The following ZNF385B variants were observed in gnomAD, a reference collection of about 807,000 sequenced individuals.
The protein encoded by ZNF385B is zinc finger protein 533.
Under a neutral mutation model 39.2 loss-of-function variants are expected in ZNF385B, and 23 were observed. The observed-to-expected ratio is 0.59, with a 90% CI of 0.42 to 0.83. The LOEUF is 0.83. Ranked by LOEUF, ZNF385B falls within the 40% of genes least tolerant of loss-of-function variation. The pLI, the probability that ZNF385B is intolerant of heterozygous loss-of-function variation, is 0.00. For synonymous variants in ZNF385B, 205 were observed against 222.6 expected (o/e 0.92, Z 0.70); for missense variants, 552 against 598.9 (o/e 0.92, Z 0.82).
chr2:179,443,210 A>G lies in ZNF385B; in HGVS notation c.*40T>C. 6 of 1,609,548 alleles carry G rather than the reference A, an allele frequency of 3.7e-6. No homozygotes were observed. The highest frequency in any genetic ancestry group is 5.1e-6 in the Non-Finnish European group (6 of 1,177,910). Reference sequence around the variant, plus strand: ...CTGAATCCTTGTGGCTTTCTTTCTCAACTTCCTACTGGCCTCAAACGTCTT... The same window carrying G: ...CTGAATCCTTGTGGCTTTCTTTCTCGACTTCCTACTGGCCTCAAACGTCTT... On this transcript the variant is annotated 3_prime_UTR_variant, in exon 10 of 10. Coordinates refer to ENST00000410066, the MANE Select transcript of ZNF385B (RefSeq NM_152520.6).
At chr2:179,593,712 G>A (rs1175127148) in intron 3 of ZNF385B, among the ~76,000 whole-genome samples, 2 of 152,236 alleles carry the variant, frequency 1.3e-5, no homozygotes, top group East Asian at 1.9e-4. Flanking sequence ...TTTAGAGAAA[G>A]TTCTTACGCT....
intron 6 of ZNF385B, among the ~76,000 whole-genome samples, chr2:179,480,036 C>T (rs1243760213): frequency 6.6e-6 from 1 of 152,026 alleles, no homozygotes; most frequent in Non-Finnish European, 1.5e-5. Flanking sequence ...TGCTAAAACG[C>T]GAGAATGGAA....
chr2:179,690,569 C>A (rs953535961), intron 3 of ZNF385B, among the ~76,000 whole-genome samples: 3 of 152,104 alleles, frequency 2.0e-5, no homozygotes, highest in African/African-American at 7.2e-5. Context: ...TGTTCAATTG[C>A]TGATTTTTTA....
chr2:179,616,863 A>G (rs975954648), intron 3 of ZNF385B, among the ~76,000 whole-genome samples: 3 of 152,120 alleles, frequency 2.0e-5, no homozygotes, highest in Non-Finnish European at 4.4e-5. Flanking sequence ...ACCTGGCCCA[A>G]TCAATCAGTT....
chr2:179,643,185 A>G (rs1372949866), intron 3 of ZNF385B, among the ~76,000 whole-genome samples: 1 of 151,916 alleles, frequency 6.6e-6, no homozygotes, highest in Admixed American at 6.6e-5. Context: ...GATTTTGAAT[A>G]ACTAGTATTC....
At chr2:179,832,923 G>C (rs896164569) in intron 1 of ZNF385B, among the ~76,000 whole-genome samples, 3 of 152,004 alleles carry the variant, frequency 2.0e-5, no homozygotes, top group Non-Finnish European at 4.4e-5. Flanking sequence ...CTCTGCTTTG[G>C]GGTGAAAATA....
intron 1 of ZNF385B, among the ~76,000 whole-genome samples, chr2:179,840,003 G>T (rs1708460276): frequency 6.6e-6 from 1 of 152,206 alleles, no homozygotes; most frequent in African/African-American, 2.4e-5. Flanking sequence ...GTGGGCAGAG[G>T]AATACAAAGA....
At chr2:179,619,989 CT>C (rs1690075685) in intron 3 of ZNF385B, among the ~76,000 whole-genome samples, 1 of 152,134 alleles carries the variant, frequency 6.6e-6, no homozygotes, top group South Asian at 2.1e-4. Flanking sequence ...CAATTTCTGA[CT>C]TTTGGTGTTA....
Position 179,775,207 on chromosome 2 carries a change from G to C in ZNF385B, c.-154-4535C>G, listed in dbSNP as rs577845096. On this transcript the variant is annotated intron_variant, in intron 1 of 9. Transcript: ENST00000410066. The stretch of plus-strand genomic sequence containing the variant: ...AATGTTTTGGTATATTTCATAATAG[G>C]ATTCAGATATGGAAGGCTATATTTG... Among the ~76,000 whole-genome samples, 5 of 152,212 alleles carry C rather than the reference G, an allele frequency of 3.3e-5. No homozygotes were observed. In the East Asian group the frequency reaches 7.7e-4, roughly 23 times the overall value.
At chr2:179,764,697 C>T (rs1272156790) in intron 3 of ZNF385B, among the ~76,000 whole-genome samples, 1 of 152,116 alleles carries the variant, frequency 6.6e-6, no homozygotes, top group African/African-American at 2.4e-5. Context: ...TTTAACTTTC[C>T]TACTTTCAAA....
intron 1 of ZNF385B, among the ~76,000 whole-genome samples, chr2:179,829,415 T>C (rs1707851932): frequency 6.6e-6 from 1 of 152,134 alleles, no homozygotes; most frequent in South Asian, 2.1e-4. Flanking sequence ...AAAAATTAAC[T>C]CAAAATTGAT....
At chr2:179,578,460 G>T (rs1256430639) in intron 3 of ZNF385B, among the ~76,000 whole-genome samples, 1 of 152,058 alleles carries the variant, frequency 6.6e-6, no homozygotes, top group Non-Finnish European at 1.5e-5. Context: ...AATCAAGATG[G>T]TTAGAGGATG....
At chr2:179,620,215 A>C (rs574167241) in intron 3 of ZNF385B, among the ~76,000 whole-genome samples, 1 of 152,284 alleles carries the variant, frequency 6.6e-6, no homozygotes, top group East Asian at 1.9e-4. Context: ...CTGTTCATCT[A>C]GCTGATTGAG....
At chr2:179,548,820 T>C (rs1207933127) in intron 3 of ZNF385B, among the ~76,000 whole-genome samples, 1 of 149,336 alleles carries the variant, frequency 6.7e-6, no homozygotes, top group Non-Finnish European at 1.5e-5. Context: ...GTCTCTTCCA[T>C]GACATGTGGG....
At chr2:179,670,495 A>AAAAACAAAC (rs74280360) in intron 3 of ZNF385B, among the ~76,000 whole-genome samples, 44 of 90,386 alleles carry the variant, frequency 4.9e-4, no homozygotes, top group African/African-American at 1.7e-3. Flanking sequence ...AAAAACAAAC[A>AAAAACAAAC]AAAAAAAATA....
intron 3 of ZNF385B, among the ~76,000 whole-genome samples, chr2:179,614,218 T>C (rs1689540722): frequency 6.6e-6 from 1 of 152,134 alleles, no homozygotes; most frequent in Non-Finnish European, 1.5e-5. Context: ...ATGAAGGTGT[T>C]TTTTGTGTGA....
Position 179,781,401 on chromosome 2 carries a change from G to A in ZNF385B, c.-154-10729C>T, listed in dbSNP as rs114217804. Among the ~76,000 whole-genome samples the A allele has an allele frequency of 5.2e-3, 787 of 152,264 alleles. 13 individuals are homozygous for A. The highest frequency in any genetic ancestry group is 3.5e-3 in the Non-Finnish European group (235 of 68,022). ...ACTGACAAAGGTAACTTACGACAAA[G>A]TGGTAAAAGGATAGTAATTTCAATG... is the stretch of plus-strand genomic sequence containing the variant. On this transcript the variant is annotated intron_variant, in intron 1 of 9. Coordinates refer to ENST00000410066, the MANE Select transcript of ZNF385B (RefSeq NM_152520.6).
rs1017075344 is a variant in ZNF385B, at chr2:179,544,678, C to T, written c.441+149G>A. The T allele has an allele frequency of 1.2e-5, 11 of 902,050 alleles. No homozygotes were observed. In the African/African-American group the frequency reaches 1.5e-4, roughly 12 times the overall value. 55.9% of individuals were successfully genotyped at this position (902,050 alleles called of 1,614,324 possible). A position where few individuals can be genotyped will look rare whatever the true frequency, so the allele number is the denominator to read the frequency against. On this transcript the variant is annotated intron_variant, in intron 4 of 9. Transcript: ENST00000410066. ...GTTTGGGCTACTCCCATGGGTGAAGCATCATCTTTCATAGCACAACTGAGC... is the reference window on the plus strand; with the variant it reads ...GTTTGGGCTACTCCCATGGGTGAAGTATCATCTTTCATAGCACAACTGAGC...
chr2:179,644,204 C>G lies in ZNF385B; in HGVS notation c.299-99235G>C, dbSNP rs564074600. ...CATTCTATCATCACTTCAAAATATCCTAGATATTTTGAAGCTCGCTTTGTT... is the reference window on the plus strand; with the variant it reads ...CATTCTATCATCACTTCAAAATATCGTAGATATTTTGAAGCTCGCTTTGTT... On this transcript the variant is annotated intron_variant, in intron 3 of 9. Coordinates refer to ENST00000410066, the MANE Select transcript of ZNF385B (RefSeq NM_152520.6). Among the ~76,000 whole-genome samples, 6 of 152,202 alleles carry G rather than the reference C, an allele frequency of 3.9e-5. No individual in the cohort carries two copies. The East Asian group carries it at 1.2e-3, about 29-fold the overall frequency.
Sources: allele counts gnomAD v4.1 joint callset (sites outside exome capture counted in the v4.1 genomes callset), GRCh38; gene constraint gnomAD v4.1.1; transcripts MANE v1.5; gene names NCBI Gene and HGNC (gene_info 2026-07-23, HGNC 2026-07-21).